STARD8: variants seen among roughly 807,000 people sequenced by gnomAD.
The protein encoded by STARD8 is StAR related lipid transfer domain containing 8, also known as stAR-related lipid transfer protein 8.
STARD8 carries 25 observed loss-of-function variants against 69.4 expected under a neutral mutation model. That is an observed-to-expected ratio of 0.36 (90% CI 0.26 to 0.50). STARD8 has a LOEUF of 0.50. Ranked by LOEUF, STARD8 falls within the 20% of genes least tolerant of loss-of-function variation. The pLI is 0.96. For missense variants in STARD8, 921 were observed against 932.5 expected, an observed-to-expected ratio of 0.99 and a Z score of 0.16; for synonymous variants, 389 against 374.6, an observed-to-expected ratio of 1.04 and a Z score of -0.45.
chrX:68,660,850 G>A lies in STARD8; in HGVS notation c.46-4649G>A, dbSNP rs377364306. ...TCATGAGAGCCTGCTTTCCACAGTGGCCATGGTCTGTGCTGGCAAAACTCA... is the reference window on the plus strand; with the variant it reads ...TCATGAGAGCCTGCTTTCCACAGTGACCATGGTCTGTGCTGGCAAAACTCA... On this transcript the variant is annotated intron_variant, in intron 1 of 14. Transcript: ENST00000374599. 3.6e-5 allele frequency among the ~76,000 whole-genome samples: 4 copies of A among 112,520 alleles called. No homozygotes were observed. In the East Asian group the frequency reaches 1.1e-3, roughly 32 times the overall value.
intron 2 of STARD8, among the ~76,000 whole-genome samples, chrX:68,690,653 T>A (rs2079870776): frequency 1.8e-5 from 2 of 112,435 alleles, no homozygotes; most frequent in African/African-American, 6.5e-5. Context: ...GTCTCTACTC[T>A]ACCCAGTGGG....
rs2080157945 is a variant in STARD8, at chrX:68,722,406, G to C, written c.2575-16G>C. The C allele has an allele frequency of 8.5e-7, 1 of 1,174,918 alleles. No individual in the cohort carries two copies. Among genetic ancestry groups the C allele is most frequent in the African/African-American group, 1.8e-5 (1 of 56,437 alleles). The stretch of plus-strand genomic sequence containing the variant: ...GCTCTCTGGAGCTGCAGCCCATTGT[G>C]TGTGTGCCCTCTCAGGTGCCCCAGG... On this transcript the variant is annotated splice_polypyrimidine_tract_variant and intron_variant, in intron 11 of 14. Transcript: ENST00000374599.
chrX:68,717,443 C>T lies in STARD8; in HGVS notation c.529C>T (p.Arg177Cys), dbSNP rs1046647715. 10 of 1,207,866 alleles carry T rather than the reference C, an allele frequency of 8.3e-6. No homozygotes were observed. The highest frequency in any genetic ancestry group is 3.5e-5 in the African/African-American group (2 of 56,884). The stretch of plus-strand genomic sequence containing the variant: ...GCCAGCAGACTTGCCCTTGCCAGGC[C>T]GTGCCCCCAGCTCGAGTGACCGGCC... ...PEPADLPLPG[R>C]APSSSDRPLL... The change falls in exon 6 of 15, where the codon CGT becomes TGT. Residue 177 changes from arginine to cysteine, a missense_variant. Arg to Cys is a radical substitution (Grantham distance 180). Transcript: ENST00000374599.
At chrX:68,664,356 A>G (rs1335671856) in intron 1 of STARD8, among the ~76,000 whole-genome samples, 1 of 111,794 alleles carries the variant, frequency 8.9e-6, no homozygotes, top group Non-Finnish European at 1.9e-5. Context: ...TGGCTCTACA[A>G]TCCACTTCCT....
At chrX:68,679,678 G>A (rs2079788741) in intron 2 of STARD8, among the ~76,000 whole-genome samples, 1 of 112,251 alleles carries the variant, frequency 8.9e-6, no homozygotes. Flanking sequence ...ACGTCAAGAT[G>A]AGACAAAGCC....
intron 1 of STARD8, among the ~76,000 whole-genome samples, chrX:68,654,905 A>G (rs2079601969): frequency 8.9e-6 from 1 of 111,776 alleles, no homozygotes; most frequent in Non-Finnish European, 1.9e-5. Flanking sequence ...TGATTCAGCA[A>G]TTTCACTCCC....
chrX:68,672,467 C>T (rs770147401), intron 2 of STARD8, among the ~76,000 whole-genome samples: 1 of 111,767 alleles, frequency 8.9e-6, no homozygotes, highest in Non-Finnish European at 1.9e-5. Context: ...CTCCTAAAAT[C>T]GTTTCTCACA....
At chrX:68,720,231 C>T (rs1230248346) in intron 7 of STARD8, 33 bp from the exon 8 acceptor site, 3 of 1,163,453 alleles carry the variant, frequency 2.6e-6, no homozygotes, top group East Asian at 3.1e-5. Flanking sequence ...ACTGTGTTCC[C>T]CCTATCTGAT....
chrX:68,718,111 G>A lies in STARD8; in HGVS notation c.1197G>A (p.Gln399=), dbSNP rs2080111869. 8.3e-7 allele frequency: 1 copy of A among 1,211,830 alleles called. No homozygotes were observed. Among genetic ancestry groups the A allele is most frequent in the Non-Finnish European group, 1.1e-6 (1 of 895,453 alleles). The part of the protein sequence containing the change: ...DDILQHVWGL[Q]QRVELWSRAM... ...TCCTCCAGCACGTGTGGGGGCTACA[G>A]CAACGAGTAGAGCTGTGGTCTCGGG... The change falls in exon 6 of 15, where the codon CAG becomes CAA. Residue 399 remains glutamine, a synonymous_variant. Transcript: ENST00000374599.
At chrX:68,651,508 T>C (rs1202472654) in intron 1 of STARD8, among the ~76,000 whole-genome samples, 5 of 111,915 alleles carry the variant, frequency 4.5e-5, no homozygotes, top group Non-Finnish European at 9.4e-5. Context: ...CCAGGCCCCC[T>C]GAGTGCGGGA....
chrX:68,695,291 A>G (rs909012134), intron 2 of STARD8, among the ~76,000 whole-genome samples: 1 of 110,939 alleles, frequency 9.0e-6, no homozygotes, highest in Non-Finnish European at 1.9e-5. Context: ...CTGTAAGGGC[A>G]TAGGGGTCGG....
intron 2 of STARD8, among the ~76,000 whole-genome samples, chrX:68,711,860 C>T (rs761594680): frequency 1.2e-4 from 14 of 112,595 alleles, no homozygotes; most frequent in Non-Finnish European, 2.4e-4. Flanking sequence ...GGGCAGGACT[C>T]CATGGCAGGA....
At chrX:68,722,384 C>T in intron 11 of STARD8, 38 bp from the exon 12 acceptor site, 1 of 1,139,496 alleles carries the variant, frequency 8.8e-7, no homozygotes, top group Non-Finnish European at 1.2e-6. Flanking sequence ...GTCTCCTGCT[C>T]TCTGGAGCTG....
At chrX:68,691,668 C>T (rs1045215961) in intron 2 of STARD8, among the ~76,000 whole-genome samples, 1 of 112,275 alleles carries the variant, frequency 8.9e-6, no homozygotes, top group African/African-American at 3.2e-5. Flanking sequence ...TACTCTATGC[C>T]AGGCACTGCG....
chrX:68,680,740 TG>T (rs1416325849), intron 2 of STARD8, among the ~76,000 whole-genome samples: 2 of 109,224 alleles, frequency 1.8e-5, no homozygotes, highest in African/African-American at 6.7e-5. Context: ...GAAGTGGGGG[TG>T]GGGGCCGCTG....
At chrX:68,682,802 G>T (rs1384770993) in intron 2 of STARD8, among the ~76,000 whole-genome samples, 2 of 112,614 alleles carry the variant, frequency 1.8e-5, no homozygotes, top group African/African-American at 6.5e-5. Flanking sequence ...GGGTTAAGGA[G>T]GTGTGTTCTG....
At chrX:68,684,863 C>T (rs768954479) in intron 2 of STARD8, among the ~76,000 whole-genome samples, 2 of 112,668 alleles carry the variant, frequency 1.8e-5, no homozygotes, top group Non-Finnish European at 3.8e-5. Flanking sequence ...CACTGTGTGA[C>T]CTTGGACAAG....
intron 2 of STARD8, among the ~76,000 whole-genome samples, chrX:68,699,385 A>G (rs1217305242): frequency 8.9e-6 from 1 of 112,324 alleles, no homozygotes; most frequent in East Asian, 2.8e-4. Flanking sequence ...TGGGAATGTG[A>G]TATGTTTCAA....
At position 68,718,363 on chromosome X, in the gene STARD8, G is replaced by A; in HGVS notation, c.1449G>A (p.Glu483=). 2.5e-6 allele frequency: 3 copies of A among 1,205,904 alleles called. No homozygotes were observed. The highest frequency in any genetic ancestry group is 3.4e-6 in the Non-Finnish European group (3 of 892,718). The change falls in exon 6 of 15, where the codon GAG becomes GAA. Residue 483 remains glutamate (E), a synonymous_variant. Transcript: ENST00000374599. ...EAEPVAQEEA[E]APAPAPAPAP... ...AACCAGTGGCACAGGAAGAGGCTGA[G>A]GCCCCGGCCCCAGCCCCGGCCCCGG...
Sources: gnomAD v4.1 joint callset for allele counts (sites outside exome capture counted in the v4.1 genomes callset) on GRCh38, gnomAD v4.1.1 for gene constraint, MANE v1.5 for transcripts, NCBI Gene and HGNC (gene_info 2026-07-23, HGNC 2026-07-21) for gene names.